Variants in C1GALT1 observed in about 807,000 individuals in gnomAD.
The protein encoded by C1GALT1 is core 1 synthase, glycoprotein-N-acetylgalactosamine 3-beta-galactosyltransferase 1.
Under a neutral mutation model 31.0 loss-of-function variants are expected in C1GALT1, and 11 were observed. The observed-to-expected ratio is 0.36, with a 90% CI of 0.22 to 0.59. The LOEUF (loss-of-function observed/expected upper bound fraction) is 0.59, where lower values mean the gene tolerates loss of function less well. C1GALT1 is among the 20% of genes least tolerant of loss of function. C1GALT1 has a pLI of 0.79. For missense variants in C1GALT1, 424 were observed against 425.2 expected (o/e 1.00, Z 0.03); for synonymous variants, 175 against 143.6 (o/e 1.22, Z -1.56).
intron 2 of C1GALT1, among the ~76,000 whole-genome samples, chr7:7,166,006 C>T (rs79637797): frequency 0.022 from 3,289 of 152,244 alleles, 118 homozygotes; most frequent in African/African-American, 0.075. Context: ...TCCAAAAGTT[C>T]AAAAACTCTG....
At chr7:7,172,651 T>A (rs1031361157) in intron 2 of C1GALT1, among the ~76,000 whole-genome samples, 5 of 152,212 alleles carry the variant, frequency 3.3e-5, no homozygotes, top group African/African-American at 1.2e-4. Context: ...TTAACAGACT[T>A]TATTTTTAAT....
chr7:7,160,371 T>A (rs1780321165), intron 2 of C1GALT1, among the ~76,000 whole-genome samples: 1 of 152,192 alleles, frequency 6.6e-6, no homozygotes, highest in Non-Finnish European at 1.5e-5. Flanking sequence ...ATCAGGTATA[T>A]CCTTGACAAA....
intron 1 of C1GALT1, among the ~76,000 whole-genome samples, chr7:7,229,570 G>T (rs183634003): frequency 2.6e-5 from 4 of 152,250 alleles, no homozygotes; most frequent in Admixed American, 2.0e-4. Flanking sequence ...TGACTAATCA[G>T]TTCTCTCTGG....
chr7:7,233,977 G>A lies in C1GALT1; in HGVS notation c.-17-326G>A, dbSNP rs73045777. The stretch of plus-strand genomic sequence containing the variant: ...AAAGAAGTAGACTTCCGTACTCAGA[G>A]TTAACAGCAAAGAAAGAAAAACAAC... On this transcript the variant is annotated intron_variant, in intron 1 of 3. Coordinates refer to ENST00000436587, the MANE Select transcript of C1GALT1 (RefSeq NM_020156.5). Among the ~76,000 whole-genome samples the A allele has an allele frequency of 1.9e-3, 290 of 152,228 alleles. 1 individual carries two copies. Among genetic ancestry groups the A allele is most frequent in the Non-Finnish European group, 3.2e-3 (221 of 68,006 alleles).
chr7:7,220,575 T>C (rs978907692), intron 1 of C1GALT1, among the ~76,000 whole-genome samples: 1 of 152,288 alleles, frequency 6.6e-6, no homozygotes, highest in African/African-American at 2.4e-5. Flanking sequence ...TGGAGTGCAG[T>C]GGTGTGATCT....
chr7:7,196,840 T>C (rs549773338), intron 1 of C1GALT1, among the ~76,000 whole-genome samples: 1 of 152,322 alleles, frequency 6.6e-6, no homozygotes, highest in Non-Finnish European at 1.5e-5. Context: ...TTTCATGTGT[T>C]TTTTGGCTGC....
chr7:7,238,345 C>CCAAA lies in C1GALT1; in HGVS notation c.314_317dup (p.His106GlnfsTer12), dbSNP rs1364710590. ...GGCCCTCAAAACCTAGAGAAAAAGG[C>CCAAA]CAAACACGTCAAAGCTACTTGGGCC... On this transcript the variant is annotated frameshift_variant, in exon 3 of 4. Coordinates refer to ENST00000436587, the MANE Select transcript of C1GALT1 (RefSeq NM_020156.5). LOFTEE classifies it high-confidence loss of function. This position sits in a 1 kb window ranked among gnomAD's most constrained non-coding sequence, Gnocchi z 5.2. The CCAAA allele has an allele frequency of 6.2e-7, 1 of 1,614,008 alleles. No individual in the cohort carries two copies. Among genetic ancestry groups the CCAAA allele is most frequent in the Admixed American group, 1.7e-5 (1 of 60,000 alleles).
intron 1 of C1GALT1, among the ~76,000 whole-genome samples, chr7:7,223,193 C>T (rs1284754893): frequency 1.3e-5 from 2 of 152,140 alleles, no homozygotes; most frequent in African/African-American, 4.8e-5. Flanking sequence ...GAGTCTTGCT[C>T]TGTCACCCAG....
At chr7:7,192,533 C>A (rs530051389) in intron 1 of C1GALT1, among the ~76,000 whole-genome samples, 1 of 152,008 alleles carries the variant, frequency 6.6e-6, no homozygotes, top group African/African-American at 2.4e-5. Flanking sequence ...ATACATACCA[C>A]ATTTTCTTTA....
chr7:7,233,594 G>T (rs1476524149), intron 1 of C1GALT1, among the ~76,000 whole-genome samples: 1 of 152,208 alleles, frequency 6.6e-6, no homozygotes, highest in Non-Finnish European at 1.5e-5. Context: ...TCTATAAAGG[G>T]CTAGGTACGG....
chr7:7,242,386 G>A (rs1330505701), intron 3 of C1GALT1, among the ~76,000 whole-genome samples: 2 of 151,968 alleles, frequency 1.3e-5, no homozygotes, highest in African/African-American at 2.4e-5. Flanking sequence ...TACATATCCA[G>A]TGTGTGTTTC....
chr7:7,188,051 T>G (rs539477896), intron 1 of C1GALT1, among the ~76,000 whole-genome samples: 1 of 152,194 alleles, frequency 6.6e-6, no homozygotes, highest in South Asian at 2.1e-4. Context: ...GTCAGAGAGG[T>G]TAGATATTGT....
chr7:7,163,019 T>C, intron 2 of C1GALT1, among the ~76,000 whole-genome samples: 1 of 152,218 alleles, frequency 6.6e-6, no homozygotes, highest in East Asian at 1.9e-4. Flanking sequence ...ATATTAGCCC[T>C]TTGTCAGATG....
At chr7:7,162,600 G>A (rs1463597924) in intron 2 of C1GALT1, among the ~76,000 whole-genome samples, 1 of 151,840 alleles carries the variant, frequency 6.6e-6, no homozygotes, top group South Asian at 2.1e-4. Context: ...CTTTATAGCA[G>A]CATGATTTAT....
chr7:7,209,900 T>C (rs1781914590), intron 1 of C1GALT1, among the ~76,000 whole-genome samples: 1 of 151,920 alleles, frequency 6.6e-6, no homozygotes, highest in South Asian at 2.1e-4. Flanking sequence ...TTTGGGTAGG[T>C]AGTGGAAAAT....
intron 2 of C1GALT1, among the ~76,000 whole-genome samples, chr7:7,164,145 C>A (rs1780368059): frequency 6.6e-6 from 1 of 151,946 alleles, no homozygotes; most frequent in Admixed American, 6.6e-5. Flanking sequence ...CAGAACAGAG[C>A]CCTCAGAAAT....
chr7:7,243,890 G>C lies in C1GALT1; in HGVS notation c.*163G>C. On this transcript the variant is annotated 3_prime_UTR_variant, in exon 4 of 4. Coordinates refer to ENST00000436587, the MANE Select transcript of C1GALT1 (RefSeq NM_020156.5). ...GACTATAAACTGAAGCTTTAAATGAGCTGTGAAGTGTGTTAAAATGTGTTT... is the reference window on the plus strand; with the variant it reads ...GACTATAAACTGAAGCTTTAAATGACCTGTGAAGTGTGTTAAAATGTGTTT... The C allele has an allele frequency of 1.9e-6, 1 of 514,128 alleles. No individual in the cohort carries two copies. Among genetic ancestry groups the C allele is most frequent in the Non-Finnish European group, 3.4e-6 (1 of 296,046 alleles). The allele number at this position is 514,128 out of a possible 1,614,324, so 31.8% of individuals were successfully genotyped here.
At chr7:7,211,260 T>G (rs1251021002) in intron 1 of C1GALT1, among the ~76,000 whole-genome samples, 1 of 152,160 alleles carries the variant, frequency 6.6e-6, no homozygotes, top group Non-Finnish European at 1.5e-5. Flanking sequence ...ACCAATTCCT[T>G]AAGGAAGACT....
intron 1 of C1GALT1, among the ~76,000 whole-genome samples, chr7:7,196,026 T>TTTGTTG (rs55905652): frequency 1.4e-3 from 218 of 151,718 alleles, no homozygotes; most frequent in African/African-American, 4.6e-3. Flanking sequence ...TGGAATATCT[T>TTTGTTG]TTGTTGTTGT....
Sources: gnomAD v4.1 joint callset for allele counts (sites outside exome capture counted in the v4.1 genomes callset) on GRCh38, gnomAD v4.1.1 for gene constraint, Gnocchi (gnomAD v3.1) non-coding constraint, MANE v1.5 for transcripts, NCBI Gene and HGNC (gene_info 2026-07-23, HGNC 2026-07-21) for gene names.